Variants in ATP2C2 observed in about 807,000 individuals in gnomAD.
The protein encoded by ATP2C2 is calcium-transporting ATPase type 2C member 2.
A neutral mutation model predicts 110.8 loss-of-function variants in ATP2C2; 171 were observed. The ratio of observed to expected loss-of-function variants is 1.54; its 90% CI spans 1.36 to 1.75. The LOEUF (loss-of-function observed/expected upper bound fraction) is 1.75. Among genes scored for constraint, ATP2C2 ranks in the 40% most tolerant of loss-of-function variants. The probability of loss-of-function intolerance (pLI) is 0.00; values close to 1 mark genes in which losing one functional copy is unlikely to be tolerated. For missense variants in ATP2C2, 1,963 were observed against 1,235.0 expected, an observed-to-expected ratio of 1.59 and a Z score of -8.84; for synonymous variants, 804 against 508.4, an observed-to-expected ratio of 1.58 and a Z score of -7.82.
Position 84,425,761 on chromosome 16 carries a change from C to G in ATP2C2, c.946C>G (p.Gln316Glu). The part of the protein sequence containing the change: ...IGLIMLIGWS[Q>E]GKQLLSMFTI... The stretch of plus-strand genomic sequence containing the variant: ...TCTCATCATGCTCATTGGCTGGTCG[C>G]AAGGGAAACAACTCCTGAGTATGTT... Residue 316 changes from glutamine (Q) to glutamate (E), a missense_variant, in exon 11 of 27, where the codon CAA (glutamine) becomes GAA (glutamate). Coordinates refer to ENST00000262429, the MANE Select transcript of ATP2C2 (RefSeq NM_014861.4). 1 of 1,614,086 alleles carries G rather than the reference C, an allele frequency of 6.2e-7. No individual in the cohort carries two copies. Among genetic ancestry groups the G allele is most frequent in the South Asian group, 1.1e-5 (1 of 91,070 alleles).
At chr16:84,436,575 C>T (rs1908754419) in intron 11 of ATP2C2, among the ~76,000 whole-genome samples, 1 of 152,114 alleles carries the variant, frequency 6.6e-6, no homozygotes, top group Non-Finnish European at 1.5e-5. Flanking sequence ...TTCTAGTCCC[C>T]TAAATAGTCT....
rs911977905 is a variant in ATP2C2 at position 84,421,525 on chromosome 16, A to G, written c.625-865A>G. On this transcript the variant is annotated intron_variant, in intron 7 of 26. Coordinates refer to ENST00000262429, the MANE Select transcript of ATP2C2 (RefSeq NM_014861.4). ...TGGCTTCTCTCTAGCTTGGTGTTAC[A>G]TGCTTACATGACCAGGTCCCTAGGG... 5.3e-5 allele frequency among the ~76,000 whole-genome samples: 8 copies of G among 152,246 alleles called. No individual in the cohort carries two copies. The South Asian group carries it at 8.3e-4, about 16-fold the overall frequency.
At chr16:84,432,342 C>T (rs548830569) in intron 11 of ATP2C2, among the ~76,000 whole-genome samples, 146 of 152,180 alleles carry the variant, frequency 9.6e-4, no homozygotes, top group African/African-American at 3.4e-3. Flanking sequence ...TAGGTATACA[C>T]GTGCCATGGT....
intron 1 of ATP2C2, among the ~76,000 whole-genome samples, chr16:84,393,406 C>A (rs931642748): frequency 7.2e-5 from 11 of 152,034 alleles, no homozygotes; most frequent in Non-Finnish European, 1.3e-4. Context: ...TCCTGACTGT[C>A]ACGAGACTGG....
chr16:84,437,219 A>T (rs1567723417), intron 11 of ATP2C2, among the ~76,000 whole-genome samples: 1 of 151,834 alleles, frequency 6.6e-6, no homozygotes, highest in Non-Finnish European at 1.5e-5. Context: ...ACAGGGTCTC[A>T]CTCTGCTACA....
At chr16:84,454,366 C>T (rs1416331720) in intron 20 of ATP2C2, among the ~76,000 whole-genome samples, 2 of 152,164 alleles carry the variant, frequency 1.3e-5, no homozygotes, top group Non-Finnish European at 2.9e-5. Context: ...CTCTTGAGCT[C>T]TTTTAGTAGA....
At chr16:84,431,860 G>A (rs868025905) in intron 11 of ATP2C2, among the ~76,000 whole-genome samples, 15 of 152,182 alleles carry the variant, frequency 9.9e-5, no homozygotes, top group South Asian at 4.1e-4. Context: ...GCCGAAGGAA[G>A]TGGGAGGTGG....
chr16:84,463,104 G>T (rs1253620847), intron 26 of ATP2C2: 1 of 159,208 alleles, frequency 6.3e-6, no homozygotes, highest in African/African-American at 2.4e-5. Flanking sequence ...TTGTGCTTGG[G>T]CAGCCCGTAC....
At position 84,372,820 on chromosome 16, in the gene ATP2C2, T is replaced by C. The variant is rs573134063; in HGVS notation, c.99+4106T>C. On this transcript the variant is annotated intron_variant, in intron 1 of 26. Coordinates refer to ENST00000262429, the MANE Select transcript of ATP2C2 (RefSeq NM_014861.4). The stretch of plus-strand genomic sequence containing the variant: ...TAACTGTTTGCTTATAACTCAACTA[T>C]AAAATCAGGTTCAATTTAGGCCTGT... Among the ~76,000 whole-genome samples, 4 of 152,172 alleles carry C rather than the reference T, an allele frequency of 2.6e-5. No individual in the cohort carries two copies. The South Asian group carries it at 6.2e-4, about 24-fold the overall frequency.
chr16:84,420,472 C>CTTTTT (rs35715518), intron 7 of ATP2C2, among the ~76,000 whole-genome samples: 4 of 95,766 alleles, frequency 4.2e-5, no homozygotes, highest in African/African-American at 1.3e-4. Context: ...CCCTTTCTTT[C>CTTTTT]TTTTTTTTTT....
intron 1 of ATP2C2, among the ~76,000 whole-genome samples, chr16:84,389,251 G>A (rs1368127069): frequency 6.6e-6 from 1 of 152,112 alleles, no homozygotes; most frequent in East Asian, 1.9e-4. Context: ...AGCCCAGAAG[G>A]CCCCTCATTC....
chr16:84,376,072 G>A (rs1293813049), intron 1 of ATP2C2, among the ~76,000 whole-genome samples: 1 of 152,138 alleles, frequency 6.6e-6, no homozygotes, highest in Non-Finnish European at 1.5e-5. Flanking sequence ...AGAGCTTTGG[G>A]CGCCAGTGGG....
chr16:84,371,058 C>G (rs1367551798), intron 1 of ATP2C2, among the ~76,000 whole-genome samples: 1 of 152,158 alleles, frequency 6.6e-6, no homozygotes, highest in Admixed American at 6.6e-5. Flanking sequence ...CAATGGTCAG[C>G]TGAGAAACTG....
At chr16:84,415,015 T>A (rs12446219) in intron 6 of ATP2C2, among the ~76,000 whole-genome samples, 11 of 151,794 alleles carry the variant, frequency 7.2e-5, no homozygotes, top group Non-Finnish European at 2.9e-5. Flanking sequence ...TACGGAAGCA[T>A]ATCCGTAGTC....
chr16:84,418,619 C>T (rs1235889453), intron 7 of ATP2C2, among the ~76,000 whole-genome samples: 1 of 152,214 alleles, frequency 6.6e-6, no homozygotes, highest in Admixed American at 6.5e-5. Flanking sequence ...CAGCAGCCCG[C>T]AGAGGTTGCG....
intron 1 of ATP2C2, among the ~76,000 whole-genome samples, chr16:84,397,535 C>T (rs1471441267): frequency 6.6e-6 from 1 of 150,918 alleles, no homozygotes; most frequent in Non-Finnish European, 1.5e-5. Context: ...ATTAGCCAGG[C>T]ACAATAGCAT....
At chr16:84,375,540 CA>C (rs34953788) in intron 1 of ATP2C2, among the ~76,000 whole-genome samples, 10,817 of 130,740 alleles carry the variant, frequency 0.083, 367 homozygotes, top group Admixed American at 0.12. Context: ...GACTCTGTCT[CA>C]AAAAAAAAAA....
chr16:84,391,586 G>T (rs550017738), intron 1 of ATP2C2, among the ~76,000 whole-genome samples: 1 of 152,332 alleles, frequency 6.6e-6, no homozygotes, highest in East Asian at 1.9e-4. Flanking sequence ...TGCTGGCAGA[G>T]GCAGAGACTG....
At chr16:84,455,888 T>G (rs1338440098) in intron 21 of ATP2C2, among the ~76,000 whole-genome samples, 1 of 136,268 alleles carries the variant, frequency 7.3e-6, no homozygotes. Context: ...GAGATAATCA[T>G]GTGGTTTTTG....
Sources: allele counts gnomAD v4.1 joint callset (sites outside exome capture counted in the v4.1 genomes callset), GRCh38; gene constraint gnomAD v4.1.1; transcripts MANE v1.5; gene names NCBI Gene and HGNC (gene_info 2026-07-23, HGNC 2026-07-21).